Variants in DNAH11 observed in about 807,000 individuals in gnomAD.
The protein encoded by DNAH11 is axonemal beta dynein heavy chain 11.
In DNAH11, 442 loss-of-function variants were observed where a neutral mutation model predicts 526.0. That is an observed-to-expected ratio of 0.84 (90% confidence interval 0.78 to 0.91). The LOEUF is 0.91. DNAH11 is among the 40% of genes least tolerant of loss of function. DNAH11 has a pLI of 0.00. For synonymous variants in DNAH11, 2,461 were observed against 1,935.9 expected (o/e 1.27, Z -7.12); for missense variants, 6,989 against 5,448.7 (o/e 1.28, Z -8.90).
At position 21,789,349 on chromosome 7, in the gene DNAH11, G is replaced by T; in HGVS notation, c.10026+7G>T. On this transcript the variant is annotated splice_region_variant and intron_variant, in intron 61 of 81. Coordinates refer to ENST00000409508, the MANE Select transcript of DNAH11 (RefSeq NM_001277115.2). The stretch of plus-strand genomic sequence containing the variant: ...TATCAGGAAAAAGCTTGTGGTGAGT[G>T]CAAACTATGACATTGAAAAGGTTCC... The T allele has an allele frequency of 6.4e-7, 1 of 1,555,276 alleles. No individual in the cohort carries two copies. Among genetic ancestry groups the T allele is most frequent in the Non-Finnish European group, 8.7e-7 (1 of 1,148,508 alleles).
At chr7:21,581,058 T>A (rs978944611) in intron 8 of DNAH11, among the ~76,000 whole-genome samples, 1 of 152,218 alleles carries the variant, frequency 6.6e-6, no homozygotes, top group African/African-American at 2.4e-5. Context: ...ACAGAATTAC[T>A]CACGTGCTAA....
Position 21,601,062 on chromosome 7 carries a change from G to T in DNAH11, c.3308G>T (p.Arg1103Ile). 2 of 1,612,132 alleles carry T rather than the reference G, an allele frequency of 1.2e-6. No homozygotes were observed. The highest frequency in any genetic ancestry group is 1.7e-6 in the Non-Finnish European group (2 of 1,179,582). The change falls in exon 17 of 82, where the codon AGA becomes ATA. Residue 1103 changes from arginine (R) to isoleucine (I), a missense_variant. Coordinates refer to ENST00000409508, the MANE Select transcript of DNAH11 (RefSeq NM_001277115.2). ...CAAATGAGCAAATTTGAGGACTTTA[G>T]AGTGTTTGATAGTTGGTTCAAGGTG... The part of the protein sequence containing the change: ...YVQMSKFEDF[R>I]VFDSWFKVDM...
chr7:21,615,042 C>G, intron 20 of DNAH11, 72 bp from the exon 21 acceptor site: 1 of 1,419,252 alleles, frequency 7.0e-7, no homozygotes, highest in Non-Finnish European at 9.5e-7. Context: ...GTCGAGATAA[C>G]CAGAGCTACA....
At position 21,616,076 on chromosome 7, in the gene DNAH11, G is replaced by A. The variant is rs773599275; in HGVS notation, c.4012-133G>A. The A allele has an allele frequency of 3.8e-4, 254 of 674,960 alleles. 1 individual carries two copies. The highest frequency in any genetic ancestry group is 5.8e-4 in the Non-Finnish European group (228 of 393,624). The allele number at this position is 674,960 out of a possible 1,614,324, so 41.8% of individuals were successfully genotyped here. A position where few individuals can be genotyped will look rare whatever the true frequency, so the allele number is the denominator to read the frequency against. ...TGGTGATAGGGAAGTTTTGACAAGT[G>A]CAGTTAATATTTTAAAAATTGACTT... On this transcript the variant is annotated intron_variant, in intron 21 of 81. Coordinates refer to ENST00000409508, the MANE Select transcript of DNAH11 (RefSeq NM_001277115.2).
At chr7:21,731,556 T>A (rs1785385568) in intron 45 of DNAH11, among the ~76,000 whole-genome samples, 1 of 152,232 alleles carries the variant, frequency 6.6e-6, no homozygotes, top group African/African-American at 2.4e-5. Flanking sequence ...TAATCTCTAT[T>A]TTCTGAAACT....
At chr7:21,549,928 A>G (rs1259267504) in intron 2 of DNAH11, among the ~76,000 whole-genome samples, 1 of 152,128 alleles carries the variant, frequency 6.6e-6, no homozygotes, top group Non-Finnish European at 1.5e-5. Flanking sequence ...TTGGGGTGCT[A>G]CCGTCTTGGT....
At chr7:21,706,295 A>G (rs527399282) in intron 39 of DNAH11, among the ~76,000 whole-genome samples, 2 of 152,222 alleles carry the variant, frequency 1.3e-5, no homozygotes, top group African/African-American at 4.8e-5. Context: ...CAGACGGTAT[A>G]TGCAGAACTG....
chr7:21,615,154 A>G lies in DNAH11; in HGVS notation c.3893A>G (p.Gln1298Arg), dbSNP rs760304418. 3.7e-6 allele frequency: 6 copies of G among 1,612,756 alleles called. No individual in the cohort carries two copies. Among genetic ancestry groups the G allele is most frequent in the Non-Finnish European group, 4.2e-6 (5 of 1,179,362 alleles). ...ELEALEEEML[Q>R]MQESTRLFEV... ...GAGGCCTTAGAAGAAGAAATGTTGC[A>G]GATGCAAGAATCTACTCGTCTTTTT... Residue 1298 changes from glutamine (Q) to arginine (R), a missense_variant, in exon 21 of 82, where the codon CAG becomes CGG. Coordinates refer to ENST00000409508, the MANE Select transcript of DNAH11 (RefSeq NM_001277115.2).
chr7:21,836,272 G>C (rs1326069135), intron 65 of DNAH11, among the ~76,000 whole-genome samples: 6 of 151,972 alleles, frequency 3.9e-5, no homozygotes, highest in African/African-American at 1.4e-4. Flanking sequence ...TATGGAATCA[G>C]AGAAGACTCC....
chr7:21,561,853 A>G (rs190298423), intron 5 of DNAH11, among the ~76,000 whole-genome samples: 17 of 152,350 alleles, frequency 1.1e-4, no homozygotes, highest in Non-Finnish European at 1.3e-4. Context: ...ATAATAAAAT[A>G]GATAATATGG....
chr7:21,616,226 G>C lies in DNAH11; in HGVS notation c.4029G>C (p.Trp1343Cys), dbSNP rs1785776846. 2 of 1,613,346 alleles carry C rather than the reference G, an allele frequency of 1.2e-6. No individual in the cohort carries two copies. The highest frequency in any genetic ancestry group is 1.7e-5 in the Admixed American group (1 of 59,930). ...IIYVRRSIDN[W>C]TKTQWRQIHV... Reference sequence around the variant, plus strand: ...GTTTTCAGAGAAGCATTGATAATTGGACTAAAACCCAGTGGAGACAGATTC... The same window carrying C: ...GTTTTCAGAGAAGCATTGATAATTGCACTAAAACCCAGTGGAGACAGATTC... Residue 1343 changes from tryptophan to cysteine, a missense_variant, in exon 22 of 82, where the codon TGG becomes TGC. Coordinates refer to ENST00000409508, the MANE Select transcript of DNAH11 (RefSeq NM_001277115.2).
rs1466848128 is a variant in DNAH11 at position 21,609,909 on chromosome 7, A to T, written c.3852+3176A>T. 2.6e-5 allele frequency among the ~76,000 whole-genome samples: 4 copies of T among 152,292 alleles called. No homozygotes were observed. In the East Asian group the frequency reaches 5.8e-4, roughly 22 times the overall value. On this transcript the variant is annotated intron_variant, in intron 20 of 81. Transcript: ENST00000409508. Reference sequence around the variant, plus strand: ...AGGGAAGGTCTGCAGCCTGCAAAGGAAGCCGATGAGATCACTGTGGGTCTT... The same window carrying T: ...AGGGAAGGTCTGCAGCCTGCAAAGGTAGCCGATGAGATCACTGTGGGTCTT...
rs1359297553 is a variant in DNAH11 at position 21,545,064 on chromosome 7, T to C, written c.410T>C (p.Ile137Thr). Residue 137 changes from isoleucine to threonine, a missense_variant, in exon 2 of 82, where the codon ATT (isoleucine) becomes ACT (threonine). Coordinates refer to ENST00000409508, the MANE Select transcript of DNAH11 (RefSeq NM_001277115.2). ...ATTTCCAAGAAGATTACTGAAAGCA[T>C]TGGAGTAAATGACTTTTCTCAAGTG... ...VFISKKITESIGVNDFSQVVL... is the reference protein window; with the variant it reads ...VFISKKITESTGVNDFSQVVL... 1 of 1,604,992 alleles carries C rather than the reference T, an allele frequency of 6.2e-7. No individual in the cohort carries two copies. The highest frequency in any genetic ancestry group is 2.2e-5 in the East Asian group (1 of 44,792).
chr7:21,576,602 C>T (rs535390820), intron 8 of DNAH11, among the ~76,000 whole-genome samples: 2 of 152,310 alleles, frequency 1.3e-5, no homozygotes, highest in East Asian at 3.9e-4. Context: ...CAGATGTTCT[C>T]CTTGCTTCTC....
intron 30 of DNAH11, among the ~76,000 whole-genome samples, chr7:21,672,553 C>G (rs1377964304): frequency 6.6e-6 from 1 of 152,188 alleles, no homozygotes; most frequent in Non-Finnish European, 1.5e-5. Context: ...TCCAGAAGCA[C>G]TGGGGTTACA....
intron 67 of DNAH11, 81 bp downstream of exon 67, chr7:21,852,712 T>C: frequency 7.0e-7 from 1 of 1,426,648 alleles, no homozygotes. Context: ...TGATCAGACT[T>C]GGTAATTCCT....
In DNAH11 at chr7:21,726,014, A is replaced by G; in HGVS notation, c.7440+30A>G. The G allele has an allele frequency of 2.7e-6, 4 of 1,505,924 alleles. No homozygotes were observed. In the South Asian group the frequency reaches 4.0e-5, roughly 15 times the overall value. 93.3% of individuals were successfully genotyped at this position (1,505,924 alleles called of 1,614,324 possible). ...GTGTGTGGAACATAGCAATTGTATT[A>G]GTCTGTTTTCATATTGCTATAAAAA... On this transcript the variant is annotated intron_variant, in intron 45 of 81. Transcript: ENST00000409508.
intron 31 of DNAH11, among the ~76,000 whole-genome samples, chr7:21,683,261 A>G (rs150454566): frequency 2.8e-4 from 42 of 152,306 alleles, no homozygotes; most frequent in African/African-American, 8.2e-4. Context: ...TAACTGGAAG[A>G]TGAATGGTTA....
In DNAH11 at chr7:21,832,453, T is replaced by C. The variant is rs577759415; in HGVS notation, c.10692-10091T>C. On this transcript the variant is annotated intron_variant, in intron 65 of 81. Coordinates refer to ENST00000409508, the MANE Select transcript of DNAH11 (RefSeq NM_001277115.2). ...TTAGTTTGGCTGGCTTTCCATTTGC[T>C]TGGTAAATATTCCTCCATCCCTTTA... Among the ~76,000 whole-genome samples, 24 of 152,332 alleles carry C rather than the reference T, an allele frequency of 1.6e-4. 2 individuals are homozygous for C. In the South Asian group the frequency reaches 1.7e-3, roughly 11 times the overall value.
Sources: allele counts gnomAD v4.1 joint callset (sites outside exome capture counted in the v4.1 genomes callset), GRCh38; gene constraint gnomAD v4.1.1; transcripts MANE v1.5; gene names NCBI Gene and HGNC (gene_info 2026-07-23, HGNC 2026-07-21).